MAPRE2: variants seen among roughly 807,000 people sequenced by gnomAD.
MAPRE2 encodes microtubule associated protein RP/EB family member 2, also known as microtubule-associated protein RP/EB family member 2.
A neutral mutation model predicts 43.2 loss-of-function variants in MAPRE2; 13 were observed. The ratio of observed to expected loss-of-function variants is 0.30; its 90% confidence interval spans 0.20 to 0.48. The LOEUF is 0.48. MAPRE2 is among the 20% of genes least tolerant of loss of function. The pLI, the probability that MAPRE2 is intolerant of heterozygous loss-of-function variation, is 0.99. For missense variants in MAPRE2, 161 were observed against 400.2 expected (o/e 0.40, Z 5.10); for synonymous variants, 135 against 148.8 (o/e 0.91, Z 0.68).
At chr18:35,002,934 T>G (rs1234385436) in intron 1 of MAPRE2, among the ~76,000 whole-genome samples, 1 of 152,192 alleles carries the variant, frequency 6.6e-6, no homozygotes, top group African/African-American at 2.4e-5. Flanking sequence ...TCTTCCAGAT[T>G]GTGTTTTTGG....
chr18:35,077,204 T>C (rs1907398881), intron 2 of MAPRE2, among the ~76,000 whole-genome samples: 1 of 152,046 alleles, frequency 6.6e-6, no homozygotes, highest in African/African-American at 2.4e-5. Flanking sequence ...GAAGTCTCAA[T>C]AAGTTCTCTC....
intron 2 of MAPRE2, among the ~76,000 whole-genome samples, chr18:35,021,245 A>G (rs891002130): frequency 6.6e-6 from 1 of 152,190 alleles, no homozygotes; most frequent in Non-Finnish European, 1.5e-5. Flanking sequence ...ACATGATGCA[A>G]GTATATTCTA....
At chr18:35,018,659 G>A (rs1199044377) in intron 2 of MAPRE2, among the ~76,000 whole-genome samples, 1 of 151,642 alleles carries the variant, frequency 6.6e-6, no homozygotes, top group East Asian at 1.9e-4. Context: ...TTTCTCTGGG[G>A]TCAGTTGTAA....
At chr18:35,091,363 T>C (rs9963274) in intron 2 of MAPRE2, among the ~76,000 whole-genome samples, 120 of 152,346 alleles carry the variant, frequency 7.9e-4, no homozygotes, top group African/African-American at 2.1e-3. Context: ...TGTGTAGACT[T>C]GGGTCCTGTC....
intron 1 of MAPRE2, among the ~76,000 whole-genome samples, chr18:34,981,600 A>G (rs367606433): frequency 6.6e-6 from 1 of 152,164 alleles, no homozygotes; most frequent in African/African-American, 2.4e-5. Context: ...TCTTACTAAC[A>G]TATCAGGGCT....
At chr18:35,108,235 T>A (rs530280049) in intron 4 of MAPRE2, among the ~76,000 whole-genome samples, 17 of 152,252 alleles carry the variant, frequency 1.1e-4, no homozygotes, top group African/African-American at 3.6e-4. Flanking sequence ...GGTTTTCTGT[T>A]CCTGTGTTAG....
intron 1 of MAPRE2, among the ~76,000 whole-genome samples, chr18:34,985,330 TAATATATA>T (rs1568961642): frequency 3.3e-4 from 13 of 39,468 alleles, no homozygotes; most frequent in African/African-American, 1.3e-3. Context: ...ATATATAATA[TAATATATA>T]ATATATTATA....
intron 1 of MAPRE2, among the ~76,000 whole-genome samples, chr18:34,996,313 T>C (rs1288981930): frequency 1.3e-5 from 2 of 152,102 alleles, no homozygotes; most frequent in African/African-American, 4.8e-5. Context: ...ATGAAACTGT[T>C]CCACCTCAGA....
At chr18:35,124,836 A>T (rs972667490) in intron 4 of MAPRE2, among the ~76,000 whole-genome samples, 1 of 151,976 alleles carries the variant, frequency 6.6e-6, no homozygotes, top group Non-Finnish European at 1.5e-5. Flanking sequence ...CTGCTTGTCT[A>T]CTTGTTTTCT....
chr18:35,103,665 A>C (rs1329882198), intron 4 of MAPRE2, among the ~76,000 whole-genome samples: 1 of 152,174 alleles, frequency 6.6e-6, no homozygotes, highest in Non-Finnish European at 1.5e-5. Flanking sequence ...AGAAACTTGG[A>C]CATTTACTGG....
upstream of MAPRE2, among the ~76,000 whole-genome samples, chr18:35,036,778 T>C (rs1248145241): frequency 6.6e-6 from 1 of 152,212 alleles, no homozygotes; most frequent in Non-Finnish European, 1.5e-5. Flanking sequence ...GAGAATCAAA[T>C]CAAATGATAT....
chr18:34,982,069 G>A (rs2097016706), intron 1 of MAPRE2, among the ~76,000 whole-genome samples: 1 of 151,812 alleles, frequency 6.6e-6, no homozygotes, highest in South Asian at 2.1e-4. Context: ...ATTTTTAGTA[G>A]AGACGGGGTT....
chr18:35,021,160 G>C (rs527589114), intron 2 of MAPRE2, among the ~76,000 whole-genome samples: 15 of 152,190 alleles, frequency 9.9e-5, no homozygotes, highest in Admixed American at 3.3e-4. Flanking sequence ...GATAAGCTAG[G>C]GTCAAACTGT....
At chr18:35,033,280 G>C (rs12955879) in intron 2 of MAPRE2, among the ~76,000 whole-genome samples, 3,846 of 152,206 alleles carry the variant, frequency 0.025, 70 homozygotes, top group South Asian at 0.064. Flanking sequence ...TATCTCAACA[G>C]ATGCAGAAAA....
intron 2 of MAPRE2, among the ~76,000 whole-genome samples, chr18:35,074,037 C>A (rs1467011087): frequency 6.6e-6 from 1 of 152,126 alleles, no homozygotes; most frequent in East Asian, 1.9e-4. Flanking sequence ...TTTCTTGTGA[C>A]AAACAACCTT....
chr18:35,034,344 A>G (rs1377399267), intron 2 of MAPRE2, among the ~76,000 whole-genome samples: 1 of 152,222 alleles, frequency 6.6e-6, no homozygotes, highest in Non-Finnish European at 1.5e-5. Flanking sequence ...TCCCTTCCTT[A>G]CACCTTATAC....
intron 1 of MAPRE2, among the ~76,000 whole-genome samples, 193 bp from the exon 2 acceptor site, chr18:35,070,000 GTA>G (rs1429813749): frequency 2.0e-5 from 3 of 152,146 alleles, no homozygotes; most frequent in African/African-American, 7.2e-5. Flanking sequence ...ATATAAAATG[GTA>G]CTGCATGAAA....
chr18:35,003,913 A>G (rs1258983983), intron 1 of MAPRE2, among the ~76,000 whole-genome samples: 1 of 152,226 alleles, frequency 6.6e-6, no homozygotes, highest in Non-Finnish European at 1.5e-5. Context: ...CAAAATATGT[A>G]AGGAAATTCA....
chr18:35,042,378 T>C (rs968399596), intron 1 of MAPRE2, among the ~76,000 whole-genome samples: 1 of 152,202 alleles, frequency 6.6e-6, no homozygotes, highest in African/African-American at 2.4e-5. Flanking sequence ...GGAAGGTGAT[T>C]CCTGGTCTTT....
Sources: allele counts gnomAD v4.1 joint callset (sites outside exome capture counted in the v4.1 genomes callset), GRCh38; gene constraint gnomAD v4.1.1; transcripts MANE v1.5; gene names NCBI Gene and HGNC (gene_info 2026-07-23, HGNC 2026-07-21).